The following THADA variants were observed in gnomAD, a reference collection of about 807,000 sequenced individuals.
THADA encodes tRNA (32-2'-O)-methyltransferase regulator THADA.
THADA carries 213 observed loss-of-function variants against 219.8 expected under a neutral mutation model. That is an observed-to-expected ratio of 0.97 (90% CI 0.87 to 1.09). The LOEUF (loss-of-function observed/expected upper bound fraction) is 1.09, where lower values mean the gene tolerates loss of function less well. Among genes scored for constraint, THADA ranks in the 50% least tolerant of loss-of-function variants. THADA has a pLI of 0.00. For missense variants in THADA, 2,956 were observed against 2,311.3 expected, an observed-to-expected ratio of 1.28 and a Z score of -5.72; for synonymous variants, 1,018 against 828.9, an observed-to-expected ratio of 1.23 and a Z score of -3.92.
At position 43,560,269 on chromosome 2, in the gene THADA, G is replaced by C. The variant is rs78531159; in HGVS notation, c.2428C>G (p.Leu810Val). 1 of 1,612,360 alleles carries C rather than the reference G, an allele frequency of 6.2e-7. No homozygotes were observed. The highest frequency in any genetic ancestry group is 1.1e-5 in the South Asian group (1 of 90,706). ...ACAGCTGTTTTTGATAACTTCATCA[G>C]AAGATCAAATGCTAAAATTTTCACG... is the stretch of plus-strand genomic sequence containing the variant. ...EDVKILAFDLLMKLSKTAVHF... is the reference protein window; with the variant it reads ...EDVKILAFDLVMKLSKTAVHF... Residue 810 changes from leucine (L) to valine (V), a missense_variant, in exon 16 of 38, where the codon CTG (leucine) becomes GTG (valine). Leu to Val is a conservative substitution (Grantham distance 32, BLOSUM62 1). Transcript: ENST00000405975.
chr2:43,374,919 G>A (rs1354215801), intron 29 of THADA, among the ~76,000 whole-genome samples: 1 of 151,966 alleles, frequency 6.6e-6, no homozygotes. Context: ...TAAACAAATT[G>A]TTCAAAGGAA....
chr2:43,337,641 T>C (rs574240263), intron 30 of THADA, among the ~76,000 whole-genome samples: 1 of 152,132 alleles, frequency 6.6e-6, no homozygotes, highest in African/African-American at 2.4e-5. Context: ...GACCAATTTA[T>C]TCCACTTCTG....
At chr2:43,489,139 A>T (rs1160176855) in intron 25 of THADA, among the ~76,000 whole-genome samples, 1 of 152,054 alleles carries the variant, frequency 6.6e-6, no homozygotes, top group Non-Finnish European at 1.5e-5. Context: ...CCTTTGAAAA[A>T]CATTTTTTTT....
intron 26 of THADA, among the ~76,000 whole-genome samples, chr2:43,467,176 C>A (rs1004702310): frequency 1.2e-5 from 1 of 82,760 alleles, no homozygotes; most frequent in African/African-American, 5.0e-5. Context: ...AGCGAGACTC[C>A]GTCTCAAAAA....
intron 4 of THADA, among the ~76,000 whole-genome samples, chr2:43,589,629 C>G (rs1374889189): frequency 6.6e-6 from 1 of 152,114 alleles, no homozygotes; most frequent in Non-Finnish European, 1.5e-5. Flanking sequence ...GGAAGCTTAT[C>G]TATGAGGATG....
chr2:43,553,161 C>T (rs193271454), intron 17 of THADA, among the ~76,000 whole-genome samples: 47 of 152,260 alleles, frequency 3.1e-4, no homozygotes, highest in Admixed American at 1.2e-3. Context: ...TGTTGACAGA[C>T]GTAGATTGTT....
At position 43,592,343 on chromosome 2, in the gene THADA, C is replaced by G; in HGVS notation, c.50G>C (p.Cys17Ser). 2 of 1,608,338 alleles carry G rather than the reference C, an allele frequency of 1.2e-6. No homozygotes were observed. Among genetic ancestry groups the G allele is most frequent in the Non-Finnish European group, 1.7e-6 (2 of 1,177,450 alleles). ...TTTCAAAGTTTCAAGGTCCTGATGG[C>G]AAATGGTCAGCGCAGCAACTTGCAT... ...KEMQVAALTI[C>S]HQDLETLKSF... Residue 17 changes from cysteine (C) to serine (S), a missense_variant, in exon 2 of 38, where the codon TGC becomes TCC. By Grantham distance (112) the Cys-to-Ser change is moderately radical. Transcript: ENST00000405975.
Position 43,274,387 on chromosome 2 carries a change from G to A in THADA, c.5296+5378C>T, listed in dbSNP as rs118149373. Among the ~76,000 whole-genome samples, 137 of 152,216 alleles carry A rather than the reference G, an allele frequency of 9.0e-4. 4 individuals are homozygous for A. In the East Asian group the frequency reaches 0.019, roughly 21 times the overall value. ...TTCTGAAGCTTTCTTATTTCAAAGCGTACTCTCATGTTTCTTTTGCCACCT... is the reference window on the plus strand; with the variant it reads ...TTCTGAAGCTTTCTTATTTCAAAGCATACTCTCATGTTTCTTTTGCCACCT... On this transcript the variant is annotated intron_variant, in intron 36 of 37. Coordinates refer to ENST00000405975, the MANE Select transcript of THADA (RefSeq NM_022065.5).
At chr2:43,345,543 C>T (rs1253598034) in intron 29 of THADA, among the ~76,000 whole-genome samples, 2 of 152,124 alleles carry the variant, frequency 1.3e-5, no homozygotes, top group African/African-American at 2.4e-5. Context: ...ATGCCTTCAC[C>T]ACACCCCCGC....
rs114015985 is a variant in THADA at position 43,230,958 on chromosome 2, G to C, written c.5852C>G (p.Ala1951Gly). Residue 1951 changes from alanine (A) to glycine (G), a missense_variant, in exon 38 of 38, where the codon GCG (alanine) becomes GGG (glycine). Physicochemically the swap from Ala to Gly is moderately conservative, Grantham distance 60. Coordinates refer to ENST00000405975, the MANE Select transcript of THADA (RefSeq NM_022065.5). ...TCCCCCAGATTTTCTTCAACATGCC[G>C]CTTCTGTTCTTGGAAGAGTTAACTG... ...SRQLTLPRTE[A>G]AC 524 of 1,604,270 alleles carry C rather than the reference G, an allele frequency of 3.3e-4. 3 individuals are homozygous for C. The African/African-American group carries it at 6.2e-3, about 19-fold the overall frequency.
At chr2:43,450,344 A>G (rs1247223828) in intron 26 of THADA, among the ~76,000 whole-genome samples, 2 of 152,198 alleles carry the variant, frequency 1.3e-5, no homozygotes, top group Non-Finnish European at 2.9e-5. Context: ...AATCTGTGAC[A>G]TCGGTAACTG....
chr2:43,529,742 T>C lies in THADA; in HGVS notation c.3265-1754A>G, dbSNP rs373772709. ...TGGTAAAAGACAAGTTGTCCCAAGA[T>C]ATCTCAGATATGCTTACCTAGAAAC... On this transcript the variant is annotated intron_variant, in intron 21 of 37. Transcript: ENST00000405975. Among the ~76,000 whole-genome samples, 15 of 152,298 alleles carry C rather than the reference T, an allele frequency of 9.8e-5. 1 individual carries two copies. Among genetic ancestry groups the C allele is most frequent in the African/African-American group, 3.6e-4 (15 of 41,566 alleles).
chr2:43,280,041 A>G, intron 35 of THADA, 145 bp from the exon 36 acceptor site: 1 of 871,644 alleles, frequency 1.1e-6, no homozygotes, highest in Non-Finnish European at 1.6e-6. Flanking sequence ...AGATAGAAAG[A>G]GTGTTAGACA....
intron 28 of THADA, among the ~76,000 whole-genome samples, chr2:43,402,335 G>T (rs1219328849): frequency 6.6e-6 from 1 of 152,178 alleles, no homozygotes; most frequent in Non-Finnish European, 1.5e-5. Flanking sequence ...AGGCAGAGCT[G>T]AGACAATTTT....
chr2:43,329,569 T>C (rs1384748136), intron 30 of THADA, among the ~76,000 whole-genome samples: 1 of 152,224 alleles, frequency 6.6e-6, no homozygotes, highest in South Asian at 2.1e-4. Context: ...TATTTTATCT[T>C]TATAAAATTC....
At chr2:43,247,415 T>C (rs952426022) in intron 36 of THADA, among the ~76,000 whole-genome samples, 1 of 152,132 alleles carries the variant, frequency 6.6e-6, no homozygotes, top group Non-Finnish European at 1.5e-5. Flanking sequence ...TCCTACTGAC[T>C]AAAATTGTTG....
At chr2:43,380,336 T>C (rs1671850765) in intron 29 of THADA, among the ~76,000 whole-genome samples, 1 of 152,236 alleles carries the variant, frequency 6.6e-6, no homozygotes, top group African/African-American at 2.4e-5. Context: ...GTAAGGTTTT[T>C]TTCTCCCACT....
intron 35 of THADA, among the ~76,000 whole-genome samples, chr2:43,280,621 A>C (rs1673229258): frequency 6.6e-6 from 1 of 151,836 alleles, no homozygotes; most frequent in Admixed American, 6.6e-5. Context: ...ACAGAGTGAG[A>C]CTCCATCCTC....
chr2:43,266,295 A>G (rs1558489366), intron 36 of THADA, among the ~76,000 whole-genome samples: 1 of 152,194 alleles, frequency 6.6e-6, no homozygotes, highest in Non-Finnish European at 1.5e-5. Context: ...CCACTCTAGA[A>G]TGTAACATGC....
Sources: gnomAD v4.1 joint callset for allele counts (sites outside exome capture counted in the v4.1 genomes callset) on GRCh38, gnomAD v4.1.1 for gene constraint, MANE v1.5 for transcripts, NCBI Gene and HGNC (gene_info 2026-07-23, HGNC 2026-07-21) for gene names.